EFEMP1: variants seen among roughly 807,000 people sequenced by gnomAD.
The protein encoded by EFEMP1 is EGF-like fibulin extracellular matrix protein 1.
In EFEMP1, 18 loss-of-function variants were observed where a neutral mutation model predicts 65.7. The observed-to-expected ratio is 0.27, with a 90% CI of 0.19 to 0.41. The LOEUF is 0.41. EFEMP1 is among the 10% of genes least tolerant of loss of function. The pLI is 1.00. For missense variants in EFEMP1, 469 were observed against 624.8 expected (o/e 0.75, Z 2.66); for synonymous variants, 237 against 219.7 (o/e 1.08, Z -0.70).
Position 55,917,576 on chromosome 2 carries a change from G to A in EFEMP1, c.517+89C>T, listed in dbSNP as rs1212547952. ...GCACTTAGCATGATGTCTGGCACGC[G>A]AGAAGTCCTTAATAAATTATCATCA... On this transcript the variant is annotated intron_variant, in intron 5 of 11. Transcript: ENST00000355426. This position sits in a 1 kb window ranked among gnomAD's most constrained non-coding sequence, Gnocchi z 6.3. The A allele has an allele frequency of 2.3e-5, 36 of 1,544,344 alleles. No homozygotes were observed. The highest frequency in any genetic ancestry group is 3.0e-5 in the Non-Finnish European group (33 of 1,117,398).
chr2:55,868,839 GAATT>G lies in EFEMP1; in HGVS notation c.1321-1609_1321-1606del, dbSNP rs1211681689. Among the ~76,000 whole-genome samples, 33 of 152,028 alleles carry G rather than the reference GAATT, an allele frequency of 2.2e-4. 1 individual carries two copies. On this transcript the variant is annotated intron_variant, in intron 11 of 11. Transcript: ENST00000355426. ...GCATGTAGTAGGTGCTTAATTAACC[GAATT>G]AATTAACCTAACTAACCTGCTGTTG... is the stretch of plus-strand genomic sequence containing the variant.
chr2:55,899,013 T>C (rs1299887431), intron 5 of EFEMP1, among the ~76,000 whole-genome samples: 3 of 152,224 alleles, frequency 2.0e-5, no homozygotes, highest in Non-Finnish European at 4.4e-5. Flanking sequence ...ACTGTCACCA[T>C]TATGCTGCAC....
intron 3 of EFEMP1, 47 bp from the exon 4 acceptor site, chr2:55,918,314 G>A (rs1348833944): frequency 1.9e-6 from 3 of 1,603,484 alleles, no homozygotes; most frequent in African/African-American, 2.7e-5. Context: ...GTTAATTGGT[G>A]TGTCCATTCC....
In EFEMP1 at chr2:55,917,614, G is replaced by A. The variant is rs756692544; in HGVS notation, c.517+51C>T. On this transcript the variant is annotated intron_variant, in intron 5 of 11. Coordinates refer to ENST00000355426, the MANE Select transcript of EFEMP1 (RefSeq NM_001039348.3). The surrounding 1 kb of genome is among the most constrained non-coding windows in gnomAD (Gnocchi z 6.3). ...TAAATTATCATCATCCTCACCACGA[G>A]GTGCACTTGGGCAAAAGCTTTCAAT... 6.2e-7 allele frequency: 1 copy of A among 1,611,878 alleles called. No individual in the cohort carries two copies. Among genetic ancestry groups the A allele is most frequent in the Non-Finnish European group, 8.5e-7 (1 of 1,178,252 alleles).
chr2:55,870,636 G>T lies in EFEMP1; in HGVS notation c.1320+84C>A, dbSNP rs1369533451. On this transcript the variant is annotated intron_variant, in intron 11 of 11. Coordinates refer to ENST00000355426, the MANE Select transcript of EFEMP1 (RefSeq NM_001039348.3). This position sits in a 1 kb window ranked among gnomAD's most constrained non-coding sequence, Gnocchi z 5.8. The stretch of plus-strand genomic sequence containing the variant: ...AATGTTTGCTTTCCTTCCACATGTG[G>T]ATACCACACAACAACAACAACAACA... The T allele has an allele frequency of 2.0e-6, 3 of 1,535,648 alleles. No individual in the cohort carries two copies. The highest frequency in any genetic ancestry group is 4.5e-5 in the East Asian group (2 of 44,378).
chr2:55,886,584 A>C lies in EFEMP1; in HGVS notation c.518-4850T>G, dbSNP rs978845018. Among the ~76,000 whole-genome samples, 7 of 152,204 alleles carry C rather than the reference A, an allele frequency of 4.6e-5. No individual in the cohort carries two copies. Among genetic ancestry groups the C allele is most frequent in the Admixed American group, 1.3e-4 (2 of 15,282 alleles). ...AGGTAAAGGATTCATGTTTGTTAGA[A>C]GGAAGAGCTTCTTTACCATTGGCCT... On this transcript the variant is annotated intron_variant, in intron 5 of 11. Coordinates refer to ENST00000355426, the MANE Select transcript of EFEMP1 (RefSeq NM_001039348.3). The surrounding 1 kb of genome is among the most constrained non-coding windows in gnomAD (Gnocchi z 4.0).
chr2:55,908,937 A>G (rs1670381897), intron 5 of EFEMP1, among the ~76,000 whole-genome samples: 1 of 152,186 alleles, frequency 6.6e-6, no homozygotes, highest in Non-Finnish European at 1.5e-5. Flanking sequence ...CTCTAGGAAT[A>G]ACACCAACCT....
chr2:55,891,079 A>T (rs1669612276), intron 5 of EFEMP1, among the ~76,000 whole-genome samples: 1 of 151,982 alleles, frequency 6.6e-6, no homozygotes, highest in East Asian at 1.9e-4. Context: ...CTCAATAGTT[A>T]TTTTTTCTGC....
At chr2:55,882,786 G>A (rs1041319602) in intron 5 of EFEMP1, among the ~76,000 whole-genome samples, 1 of 151,984 alleles carries the variant, frequency 6.6e-6, no homozygotes, top group Admixed American at 6.6e-5. Flanking sequence ...ATACTACCCT[G>A]GGTCTACCAC....
At position 55,921,084 on chromosome 2, in the gene EFEMP1, G is replaced by T. The variant is rs567407965; in HGVS notation, c.81+1276C>A. Among the ~76,000 whole-genome samples the T allele has an allele frequency of 4.6e-5, 7 of 152,186 alleles. No homozygotes were observed. Among genetic ancestry groups the T allele is most frequent in the Non-Finnish European group, 1.0e-4 (7 of 68,030 alleles). On this transcript the variant is annotated intron_variant, in intron 3 of 11. Transcript: ENST00000355426. This position sits in a 1 kb window ranked among gnomAD's most constrained non-coding sequence, Gnocchi z 4.1. ...GCATAGAAGATAAGCAACTGGAAAA[G>T]AAGTAAAATCTTTTATGAGATGATT...
At chr2:55,879,158 C>G in intron 6 of EFEMP1, among the ~76,000 whole-genome samples, 1 of 152,174 alleles carries the variant, frequency 6.6e-6, no homozygotes. Context: ...TGTGTGTTCC[C>G]TCACTATAGT....
At position 55,885,272 on chromosome 2, in the gene EFEMP1, C is replaced by A. The variant is rs1180060760; in HGVS notation, c.518-3538G>T. Among the ~76,000 whole-genome samples, 1 of 152,196 alleles carries A rather than the reference C, an allele frequency of 6.6e-6. No individual in the cohort carries two copies. The highest frequency in any genetic ancestry group is 2.4e-5 in the African/African-American group (1 of 41,458). On this transcript the variant is annotated intron_variant, in intron 5 of 11. Transcript: ENST00000355426. The surrounding 1 kb of genome is among the most constrained non-coding windows in gnomAD (Gnocchi z 4.3). ...ATTAGAAAATGCTGATAAGACAAAA[C>A]TGGTTTCCATGAGAAGAATGGCAGA...
chr2:55,878,004 T>A, intron 6 of EFEMP1, 139 bp from the exon 7 acceptor site: 1 of 1,057,490 alleles, frequency 9.5e-7, no homozygotes, highest in Non-Finnish European at 1.4e-6. Flanking sequence ...TTAGGGTATA[T>A]GTATTTTAAA....
chr2:55,918,955 A>T (rs1294258145), intron 3 of EFEMP1, among the ~76,000 whole-genome samples: 1 of 152,218 alleles, frequency 6.6e-6, no homozygotes, highest in African/African-American at 2.4e-5. Flanking sequence ...ACAGATAGGT[A>T]GACAAGTTGC....
At chr2:55,909,362 T>C (rs112414917) in intron 5 of EFEMP1, among the ~76,000 whole-genome samples, 4 of 152,360 alleles carry the variant, frequency 2.6e-5, no homozygotes, top group African/African-American at 9.6e-5. Context: ...GAACCAGTCA[T>C]AGATGTTTGC....
intron 9 of EFEMP1, 37 bp downstream of exon 9, chr2:55,874,909 C>G: frequency 1.3e-6 from 2 of 1,572,610 alleles, no homozygotes; most frequent in Non-Finnish European, 1.7e-6. Flanking sequence ...CTGGCTAAAA[C>G]TAAATACCTA....
intron 5 of EFEMP1, among the ~76,000 whole-genome samples, chr2:55,905,196 C>T (rs1184682471): frequency 1.3e-5 from 2 of 152,056 alleles, no homozygotes; most frequent in Non-Finnish European, 2.9e-5. Flanking sequence ...ATCCACTTCT[C>T]AGGACTTTTA....
chr2:55,896,737 T>A (rs1669842365), intron 5 of EFEMP1, among the ~76,000 whole-genome samples: 1 of 152,242 alleles, frequency 6.6e-6, no homozygotes, highest in Admixed American at 6.5e-5. Context: ...TTAATTCCTT[T>A]GTGAGCAAAG....
At position 55,917,883 on chromosome 2, in the gene EFEMP1, C is replaced by G; in HGVS notation, c.299G>C (p.Gly100Ala). The change falls in exon 5 of 12, where the codon GGG becomes GCG. Residue 100 changes from glycine (G) to alanine (A), a missense_variant. Gly to Ala is a moderately conservative substitution (Grantham distance 60). This residue lies in a region of EFEMP1 where 399 missense variants were observed against 528.2 expected (regional missense o/e 0.76). Transcript: ENST00000355426. The surrounding 1 kb of genome is among the most constrained non-coding windows in gnomAD (Gnocchi z 6.3). ...TGCCATGCTGCTGGCAGCTACAACCCCGGTGGTTGCCCCTGAGGTTCCTTC... is the reference window on the plus strand; with the variant it reads ...TGCCATGCTGCTGGCAGCTACAACCGCGGTGGTTGCCCCTGAGGTTCCTTC... ...PAEGTSGATT[G>A]VVAASSMATS... 6.2e-7 allele frequency: 1 copy of G among 1,614,208 alleles called. No homozygotes were observed. The highest frequency in any genetic ancestry group is 1.1e-5 in the South Asian group (1 of 91,080).
Sources: gnomAD v4.1 joint callset for allele counts (sites outside exome capture counted in the v4.1 genomes callset) on GRCh38, gnomAD v4.1.1 for gene constraint, gnomAD v4.1.1 regional missense constraint, Gnocchi (gnomAD v3.1) non-coding constraint, MANE v1.5 for transcripts, NCBI Gene and HGNC (gene_info 2026-07-23, HGNC 2026-07-21) for gene names.